The following ZNF367 variants were observed in gnomAD, a reference collection of about 807,000 sequenced individuals.
The protein encoded by ZNF367 is zinc finger protein 367.
In ZNF367, 11 loss-of-function variants were observed where a neutral mutation model predicts 31.8. That is an observed-to-expected ratio of 0.35 (90% CI 0.22 to 0.57). The LOEUF (loss-of-function observed/expected upper bound fraction) is 0.57, where lower values mean the gene tolerates loss of function less well. Ranked by LOEUF, ZNF367 falls within the 20% of genes least tolerant of loss-of-function variation. ZNF367 has a pLI of 0.85. For missense variants in ZNF367, 353 were observed against 484.1 expected, an observed-to-expected ratio of 0.73 and a Z score of 2.54; for synonymous variants, 199 against 202.4, an observed-to-expected ratio of 0.98 and a Z score of 0.14.
At chr9:96,398,106 A>T (rs1452103188) in intron 2 of ZNF367, 58 bp downstream of exon 2, 30 of 923,232 alleles carry the variant, frequency 3.2e-5, no homozygotes, top group Non-Finnish European at 4.3e-5. Context: ...AAAAAAAAAA[A>T]AAAAAAAAAA....
chr9:96,403,808 A>T (rs113473759), intron 1 of ZNF367, among the ~76,000 whole-genome samples: 2 of 152,238 alleles, frequency 1.3e-5, no homozygotes, highest in African/African-American at 4.8e-5. Context: ...CTGGATTTCC[A>T]TATACAAAAG....
chr9:96,416,040 A>T (rs551592460), intron 1 of ZNF367, among the ~76,000 whole-genome samples: 2 of 150,290 alleles, frequency 1.3e-5, no homozygotes, highest in Non-Finnish European at 2.9e-5. Flanking sequence ...AAGGGATCAC[A>T]GGCATGAGCC....
At chr9:96,412,630 A>G (rs2131082718) in intron 1 of ZNF367, among the ~76,000 whole-genome samples, 1 of 152,122 alleles carries the variant, frequency 6.6e-6, no homozygotes, top group East Asian at 1.9e-4. Context: ...GTGCACTTTT[A>G]TAAAGCATCT....
At position 96,398,165 on chromosome 9, in the gene ZNF367, T is replaced by C. The variant is rs763878250; in HGVS notation, c.570A>G (p.Thr190=). ...KSLQAHKRTH[T]GERPYLCDYP... ...CTCTATAAAATTTGCTCAACTTACCTGTATGAGTCCTTTTGTGAGCCTGGA... is the reference window on the plus strand; with the variant it reads ...CTCTATAAAATTTGCTCAACTTACCCGTATGAGTCCTTTTGTGAGCCTGGA... The change falls in exon 2 of 5, where the codon ACA becomes ACG. Residue 190 remains threonine, a splice_region_variant and synonymous_variant. Transcript: ENST00000375256. 15 of 1,575,178 alleles carry C rather than the reference T, an allele frequency of 9.5e-6. No individual in the cohort carries two copies. Among genetic ancestry groups the C allele is most frequent in the East Asian group, 2.3e-5 (1 of 43,926 alleles).
chr9:96,413,070 A>G (rs138690528), intron 1 of ZNF367, among the ~76,000 whole-genome samples: 3 of 152,294 alleles, frequency 2.0e-5, no homozygotes, highest in African/African-American at 7.2e-5. Flanking sequence ...CCTGAAGTCT[A>G]TTTACATGTG....
At chr9:96,390,704 C>G (rs573053860) in intron 4 of ZNF367, among the ~76,000 whole-genome samples, 14 of 151,918 alleles carry the variant, frequency 9.2e-5, no homozygotes, top group South Asian at 6.2e-4. Flanking sequence ...GGCAACGTGA[C>G]AAGACCCAGT....
At chr9:96,416,511 A>T (rs1051746055) in intron 1 of ZNF367, among the ~76,000 whole-genome samples, 6 of 152,230 alleles carry the variant, frequency 3.9e-5, no homozygotes, top group African/African-American at 1.4e-4. Context: ...CAATTTCCTC[A>T]AAACCCAAAC....
In ZNF367 at chr9:96,418,002, C is replaced by G. The variant is rs752216003; in HGVS notation, c.31G>C (p.Glu11Gln). The part of the protein sequence containing the change: MIRGFEAPMA[E>Q]NPPPPPPPVI... Reference sequence around the variant, plus strand: ...GGCGGCGGCGGCGGCGGCGGGTTCTCCGCCATGGGCGCCTCGAAGCCCCGG... The same window carrying G: ...GGCGGCGGCGGCGGCGGCGGGTTCTGCGCCATGGGCGCCTCGAAGCCCCGG... The change falls in exon 1 of 5, where the codon GAG (glutamate) becomes CAG (glutamine). Residue 11 changes from glutamate to glutamine, a missense_variant. Physicochemically the swap from Glu to Gln is conservative, Grantham distance 29. Around this residue, in one of 5 missense-constraint regions of ZNF367, gnomAD observed 94 missense variants for 86.7 expected, o/e 1.08. Coordinates refer to ENST00000375256, the MANE Select transcript of ZNF367 (RefSeq NM_153695.4). 1.0e-5 allele frequency: 14 copies of G among 1,403,258 alleles called. No individual in the cohort carries two copies. Among genetic ancestry groups the G allele is most frequent in the African/African-American group, 1.5e-5 (1 of 66,174 alleles). 86.9% of individuals were successfully genotyped at this position (1,403,258 alleles called of 1,614,324 possible). A position where few individuals can be genotyped will look rare whatever the true frequency, so the allele number is the denominator to read the frequency against.
chr9:96,400,423 A>C (rs1267237810), intron 1 of ZNF367, among the ~76,000 whole-genome samples: 1 of 151,430 alleles, frequency 6.6e-6, no homozygotes, highest in Non-Finnish European at 1.5e-5. Context: ...GGAAAAGAAA[A>C]AGGAAAAAGA....
intron 4 of ZNF367, 59 bp downstream of exon 4, chr9:96,392,339 G>C: frequency 6.2e-7 from 1 of 1,612,010 alleles, no homozygotes; most frequent in African/African-American, 1.3e-5. Flanking sequence ...CCAGGTCCCT[G>C]ACATAGCCCC....
chr9:96,412,652 T>C (rs977590295), intron 1 of ZNF367, among the ~76,000 whole-genome samples: 9 of 152,094 alleles, frequency 5.9e-5, no homozygotes, highest in African/African-American at 1.9e-4. Flanking sequence ...AATTGAGACA[T>C]AGATAAGCTA....
chr9:96,398,198 C>T lies in ZNF367; in HGVS notation c.537G>A (p.Glu179=). The change falls in exon 2 of 5, where the codon GAG becomes GAA. Residue 179 remains glutamate, a synonymous_variant. Transcript: ENST00000375256. ...CNICNRVFPR[E]KSLQAHKRTH... is the part of the protein sequence containing the mutation. ...TCCTTTTGTGAGCCTGGAGCGATTT[C>T]TCCCGTGGAAACACCCTATTACAGA... 2 of 1,578,558 alleles carry T rather than the reference C, an allele frequency of 1.3e-6. No individual in the cohort carries two copies. Among genetic ancestry groups the T allele is most frequent in the Non-Finnish European group, 1.7e-6 (2 of 1,157,824 alleles).
rs1233724165 is a variant in ZNF367 at position 96,394,956 on chromosome 9, T to C, written c.572-14A>G. The C allele has an allele frequency of 5.6e-6, 9 of 1,613,118 alleles. No homozygotes were observed. Among genetic ancestry groups the C allele is most frequent in the Middle Eastern group, 1.6e-4 (1 of 6,064 alleles). On this transcript the variant is annotated splice_polypyrimidine_tract_variant and intron_variant, in intron 2 of 4. Coordinates refer to ENST00000375256, the MANE Select transcript of ZNF367 (RefSeq NM_153695.4). Reference sequence around the variant, plus strand: ...AGGGCCTCTCACCTAAGTAGACAGATGTTAGATATTATATCTGAGATAATA... The same window carrying C: ...AGGGCCTCTCACCTAAGTAGACAGACGTTAGATATTATATCTGAGATAATA...
intron 1 of ZNF367, among the ~76,000 whole-genome samples, chr9:96,416,061 GCT>G (rs1394927237): frequency 2.0e-5 from 3 of 151,140 alleles, no homozygotes; most frequent in Admixed American, 6.6e-5. Context: ...ACCTCACCAG[GCT>G]CTGTTATGGT....
intron 1 of ZNF367, among the ~76,000 whole-genome samples, chr9:96,401,165 G>A (rs1238963844): frequency 6.6e-6 from 1 of 152,082 alleles, no homozygotes; most frequent in East Asian, 1.9e-4. Context: ...GGTCAAGGCT[G>A]CAATGAGCCA....
chr9:96,406,288 A>G (rs548419634), intron 1 of ZNF367, among the ~76,000 whole-genome samples: 30 of 152,350 alleles, frequency 2.0e-4, no homozygotes, highest in African/African-American at 6.7e-4. Flanking sequence ...AAGCCTTCCA[A>G]AAGCTTAAAC....
chr9:96,390,111 A>G (rs1831454638), intron 4 of ZNF367, among the ~76,000 whole-genome samples: 1 of 151,778 alleles, frequency 6.6e-6, no homozygotes, highest in South Asian at 2.1e-4. Context: ...CCTGCCATTT[A>G]GCCAGGCTGA....
intron 1 of ZNF367, among the ~76,000 whole-genome samples, chr9:96,404,991 A>G (rs1268846994): frequency 4.6e-5 from 7 of 152,190 alleles, no homozygotes; most frequent in Non-Finnish European, 1.0e-4. Flanking sequence ...TATATGGCCA[A>G]CAAATGCAGT....
intron 1 of ZNF367, 108 bp from the exon 2 acceptor site, chr9:96,398,422 G>A (rs775598365): frequency 2.2e-5 from 22 of 980,780 alleles, no homozygotes; most frequent in Middle Eastern, 3.1e-4. Flanking sequence ...TGGGCGCAGC[G>A]GCACACACTT....
Sources: gnomAD v4.1 joint callset for allele counts (sites outside exome capture counted in the v4.1 genomes callset) on GRCh38, gnomAD v4.1.1 for gene constraint, gnomAD v4.1.1 regional missense constraint, MANE v1.5 for transcripts, NCBI Gene and HGNC (gene_info 2026-07-23, HGNC 2026-07-21) for gene names.